FYB1: variants seen among roughly 807,000 people sequenced by gnomAD.
FYB1 encodes the protein FYN binding protein 1.
FYB1 carries 41 observed loss-of-function variants against 94.1 expected under a neutral mutation model. The observed-to-expected ratio is 0.44, with a 90% CI of 0.34 to 0.57. The LOEUF is 0.57. FYB1 is among the 20% of genes least tolerant of loss of function. The probability of loss-of-function intolerance (pLI) is 0.02; values close to 1 mark genes in which losing one functional copy is unlikely to be tolerated. For missense variants in FYB1, 1,050 were observed against 976.8 expected (o/e 1.07, Z -1.00); for synonymous variants, 367 against 353.2 (o/e 1.04, Z -0.44).
chr5:39,223,611 A>G (rs557954232), upstream of FYB1, among the ~76,000 whole-genome samples: 18 of 152,332 alleles, frequency 1.2e-4, no homozygotes, highest in Middle Eastern at 0.014. Flanking sequence ...TATTTATTAA[A>G]TGTTTAGGGC....
At chr5:39,254,922 T>C (rs1433014416) in intron 1 of FYB1, among the ~76,000 whole-genome samples, 1 of 152,038 alleles carries the variant, frequency 6.6e-6, no homozygotes, top group Non-Finnish European at 1.5e-5. Flanking sequence ...GAGGGGAAAG[T>C]GAAGGAGAAG....
At position 39,126,145 on chromosome 5, in the gene FYB1, A is replaced by G; in HGVS notation, c.1908-10T>C. The G allele has an allele frequency of 1.9e-6, 3 of 1,612,514 alleles. No individual in the cohort carries two copies. The highest frequency in any genetic ancestry group is 2.2e-5 in the East Asian group (1 of 44,844). On this transcript the variant is annotated splice_polypyrimidine_tract_variant and intron_variant, in intron 11 of 18. Transcript: ENST00000512982. Reference sequence around the variant, plus strand: ...AACCTGTAGTGTGGAGCTTTGGAGCATGCAGGCATTGATCAGAATGTAATA... The same window carrying G: ...AACCTGTAGTGTGGAGCTTTGGAGCGTGCAGGCATTGATCAGAATGTAATA...
At chr5:39,169,394 C>T (rs1028231773) in intron 2 of FYB1, 7 of 755,588 alleles carry the variant, frequency 9.3e-6, no homozygotes, top group Non-Finnish European at 1.7e-5. Context: ...TTTTTCCGTA[C>T]ATTCCTGCCA....
At chr5:39,164,780 T>C (rs1744571722) in intron 2 of FYB1, among the ~76,000 whole-genome samples, 1 of 152,140 alleles carries the variant, frequency 6.6e-6, no homozygotes, top group African/African-American at 2.4e-5. Context: ...CGCAAAGAAA[T>C]TTTAATAAAG....
intron 10 of FYB1, among the ~76,000 whole-genome samples, chr5:39,129,231 G>A (rs1740957886): frequency 6.6e-6 from 1 of 152,030 alleles, no homozygotes; most frequent in African/African-American, 2.4e-5. Context: ...ATCAGTAAGT[G>A]GTGCTGGGAA....
At chr5:39,187,807 T>C (rs1036344871) in intron 2 of FYB1, among the ~76,000 whole-genome samples, 4 of 150,880 alleles carry the variant, frequency 2.7e-5, no homozygotes, top group African/African-American at 9.8e-5. Context: ...CCATTTTTTT[T>C]CTTTGCCTTG....
chr5:39,177,475 C>G (rs1210701784), intron 2 of FYB1, among the ~76,000 whole-genome samples: 3 of 152,198 alleles, frequency 2.0e-5, no homozygotes, highest in African/African-American at 7.2e-5. Flanking sequence ...CCAAAGCTGA[C>G]AGAGTTGGGC....
At chr5:39,267,669 T>C (rs1752490188) in intron 1 of FYB1, among the ~76,000 whole-genome samples, 1 of 152,196 alleles carries the variant, frequency 6.6e-6, no homozygotes, top group African/African-American at 2.4e-5. Flanking sequence ...AACCTTTTCA[T>C]GCTACAAAAA....
At chr5:39,272,971 G>GA (rs200702223) in intron 1 of FYB1, among the ~76,000 whole-genome samples, 1 of 151,564 alleles carries the variant, frequency 6.6e-6, no homozygotes, top group Non-Finnish European at 1.5e-5. Flanking sequence ...TTTTGGCTAA[G>GA]AAAAAAAAAG....
chr5:39,109,428 T>C (rs1738849727), intron 17 of FYB1, among the ~76,000 whole-genome samples: 1 of 152,128 alleles, frequency 6.6e-6, no homozygotes, highest in African/African-American at 2.4e-5. Context: ...TGTTGTCCTA[T>C]TATTTGCCAC....
At chr5:39,238,879 C>T (rs1751087029) in intron 1 of FYB1, among the ~76,000 whole-genome samples, 1 of 152,060 alleles carries the variant, frequency 6.6e-6, no homozygotes, top group Non-Finnish European at 1.5e-5. Flanking sequence ...GTGAAAACCT[C>T]TTTGTGTGTG....
intron 2 of FYB1, among the ~76,000 whole-genome samples, chr5:39,185,173 G>T (rs1157304445): frequency 1.3e-5 from 2 of 152,118 alleles, no homozygotes; most frequent in African/African-American, 2.4e-5. Flanking sequence ...CCTATTTCAA[G>T]AATTGAGAAG....
chr5:39,136,035 T>G (rs984755857), intron 7 of FYB1, among the ~76,000 whole-genome samples: 1 of 152,180 alleles, frequency 6.6e-6, no homozygotes, highest in South Asian at 2.1e-4. Context: ...TTCCTTTAAA[T>G]CTACAATTTC....
chr5:39,229,846 C>T (rs772595776), intron 1 of FYB1, among the ~76,000 whole-genome samples: 5 of 152,292 alleles, frequency 3.3e-5, no homozygotes, highest in South Asian at 2.1e-4. Context: ...ATTCTAAAAG[C>T]TGGCTTCACA....
At chr5:39,120,011 TAAGA>T (rs1739942834) in intron 14 of FYB1, among the ~76,000 whole-genome samples, 2 of 152,166 alleles carry the variant, frequency 1.3e-5, no homozygotes, top group Non-Finnish European at 1.5e-5. Flanking sequence ...GCCAATGTCA[TAAGA>T]AAGGCTTTTT....
chr5:39,215,814 G>T (rs577030318), intron 1 of FYB1, among the ~76,000 whole-genome samples: 1 of 152,118 alleles, frequency 6.6e-6, no homozygotes, highest in South Asian at 2.1e-4. Context: ...AAAAAGATAC[G>T]CCCATGTATC....
chr5:39,170,304 C>A, intron 2 of FYB1: 1 of 1,398,986 alleles, frequency 7.1e-7, no homozygotes, highest in South Asian at 1.4e-5. Flanking sequence ...GATCTTCTGT[C>A]TTTCCAGCAA....
At chr5:39,257,394 T>C (rs896533182) in intron 1 of FYB1, among the ~76,000 whole-genome samples, 13 of 151,104 alleles carry the variant, frequency 8.6e-5, no homozygotes, top group Non-Finnish European at 1.6e-4. Context: ...ATACTTATTT[T>C]GACTTAGGTT....
intron 2 of FYB1, among the ~76,000 whole-genome samples, chr5:39,181,513 T>C (rs528612320): frequency 2.6e-5 from 4 of 152,208 alleles, no homozygotes; most frequent in South Asian, 2.1e-4. Flanking sequence ...TCCCAAGAGG[T>C]AGGCTGGAGT....
Sources: allele counts gnomAD v4.1 joint callset (sites outside exome capture counted in the v4.1 genomes callset), GRCh38; gene constraint gnomAD v4.1.1; transcripts MANE v1.5; gene names NCBI Gene and HGNC (gene_info 2026-07-23, HGNC 2026-07-21).